Variants in WDPCP observed in about 807,000 individuals in gnomAD.
The protein encoded by WDPCP is WD repeat containing planar cell polarity effector, also known as WD repeat-containing and planar cell polarity effector protein fritz homolog.
WDPCP carries 71 observed loss-of-function variants against 93.1 expected under a neutral mutation model. The observed-to-expected ratio is 0.76, with a 90% CI of 0.63 to 0.93. The LOEUF is 0.93. Ranked by LOEUF, WDPCP falls within the 40% of genes least tolerant of loss-of-function variation. The pLI is 0.00. For synonymous variants in WDPCP, 315 were observed against 315.0 expected (o/e 1.00, Z 0.00); for missense variants, 844 against 887.4 (o/e 0.95, Z 0.62).
At chr2:63,507,258 GA>G (rs368717884) in intron 1 of WDPCP, among the ~76,000 whole-genome samples, 75 of 148,332 alleles carry the variant, frequency 5.1e-4, no homozygotes, top group South Asian at 1.7e-3. Context: ...TGCAGAGAAG[GA>G]AAAAAAAAAT....
intron 2 of WDPCP, among the ~76,000 whole-genome samples, chr2:63,683,895 A>C (rs535495284): frequency 6.6e-6 from 1 of 152,242 alleles, no homozygotes; most frequent in Non-Finnish European, 1.5e-5. Context: ...TATAATGATA[A>C]AGGGGTTAAT....
In WDPCP at chr2:63,688,343, C is replaced by T. The variant is rs563947844; in HGVS notation, n.309-37505G>A. Among the ~76,000 whole-genome samples, 106 of 151,626 alleles carry T rather than the reference C, an allele frequency of 7.0e-4. 1 individual carries two copies. In the South Asian group the frequency reaches 0.021, roughly 30 times the overall value. ...TCAGGAGGCTGAGGCAGGAAAATGGCGTGAACCTGGGAGGCGGAGCTCGCA... is the reference window on the plus strand; with the variant it reads ...TCAGGAGGCTGAGGCAGGAAAATGGTGTGAACCTGGGAGGCGGAGCTCGCA... On this transcript the variant is annotated intron_variant and non_coding_transcript_variant, in intron 2 of 4. Coordinates refer to the WDPCP transcript ENST00000467687.
At chr2:63,549,418 T>C (rs1337386010) in intron 1 of WDPCP, among the ~76,000 whole-genome samples, 39 of 152,156 alleles carry the variant, frequency 2.6e-4, no homozygotes, top group Admixed American at 6.5e-5. Flanking sequence ...AACTGTTTTA[T>C]ACTGTAATGG....
At chr2:63,263,728 C>G (rs1314599821) in intron 13 of WDPCP, among the ~76,000 whole-genome samples, 3 of 152,108 alleles carry the variant, frequency 2.0e-5, no homozygotes, top group Non-Finnish European at 2.9e-5. Context: ...TGTCCTTTAC[C>G]TGAGTAGGCT....
intron 14 of WDPCP, among the ~76,000 whole-genome samples, chr2:63,219,286 G>A (rs184638339): frequency 6.6e-6 from 1 of 152,278 alleles, no homozygotes; most frequent in East Asian, 1.9e-4. Context: ...GTAGGGTGTG[G>A]CTAAAAAAGT....
chr2:63,831,765 CT>C (rs1446118861), upstream of WDPCP, among the ~76,000 whole-genome samples: 1 of 151,726 alleles, frequency 6.6e-6, no homozygotes, highest in African/African-American at 2.4e-5. Context: ...CAAAACCAAT[CT>C]TTTTTCATTT....
chr2:63,540,780 G>T (rs1704653468), intron 1 of WDPCP, among the ~76,000 whole-genome samples: 1 of 152,056 alleles, frequency 6.6e-6, no homozygotes, highest in Non-Finnish European at 1.5e-5. Context: ...GTTTTTGAGA[G>T]TCTCACTCTG....
At position 63,461,519 on chromosome 2, in the gene WDPCP, C is replaced by T. The variant is rs1047492462; in HGVS notation, c.385-21648G>A. ...CTGCATAACCACGAGCCAATTAAAC[C>T]CCTTTTCTTTATAAACTATCCAGTC... On this transcript the variant is annotated intron_variant, in intron 6 of 17. Coordinates refer to ENST00000272321, the MANE Select transcript of WDPCP (RefSeq NM_015910.7). Among the ~76,000 whole-genome samples the T allele has an allele frequency of 3.3e-5, 5 of 152,194 alleles. No individual in the cohort carries two copies. The South Asian group carries it at 1.0e-3, about 32-fold the overall frequency.
At chr2:63,491,383 A>C (rs1239389506) in intron 2 of WDPCP, among the ~76,000 whole-genome samples, 1 of 152,124 alleles carries the variant, frequency 6.6e-6, no homozygotes, top group Non-Finnish European at 1.5e-5. Context: ...ACACACATAG[A>C]GCTTGCCAAC....
At chr2:63,622,083 T>G in intron 3 of WDPCP, 1 of 1,010,308 alleles carries the variant, frequency 9.9e-7, no homozygotes, top group East Asian at 3.1e-5. Flanking sequence ...TTTTTTTTTT[T>G]TGGAAGTTGA....
intron 13 of WDPCP, among the ~76,000 whole-genome samples, chr2:63,266,067 G>T (rs1270997564): frequency 1.3e-5 from 2 of 152,116 alleles, no homozygotes; most frequent in African/African-American, 4.8e-5. Context: ...TTTGTGAAAA[G>T]TTGAAAGTTT....
intron 2 of WDPCP, among the ~76,000 whole-genome samples, chr2:63,793,194 AC>A (rs957264435): frequency 2.0e-5 from 3 of 151,996 alleles, no homozygotes; most frequent in African/African-American, 4.8e-5. Flanking sequence ...CATTTATAGC[AC>A]ACTATTGCCA....
At chr2:63,306,074 C>A (rs1685715970) in intron 13 of WDPCP, among the ~76,000 whole-genome samples, 1 of 152,144 alleles carries the variant, frequency 6.6e-6, no homozygotes, top group Admixed American at 6.5e-5. Context: ...CCAATGATCA[C>A]AGAAATACAA....
intron 2 of WDPCP, among the ~76,000 whole-genome samples, chr2:63,677,154 C>A (rs1282523179): frequency 6.6e-6 from 1 of 152,148 alleles, no homozygotes; most frequent in Admixed American, 6.5e-5. Flanking sequence ...GTATTGAGAA[C>A]CACTGACTTA....
intron 2 of WDPCP, among the ~76,000 whole-genome samples, chr2:63,726,447 T>A (rs886415000): frequency 1.3e-5 from 2 of 152,234 alleles, no homozygotes; most frequent in African/African-American, 4.8e-5. Flanking sequence ...TGGGTTACTG[T>A]AGCCCTGTAC....
At chr2:63,386,469 A>G (rs762135623) in intron 10 of WDPCP, among the ~76,000 whole-genome samples, 1 of 152,086 alleles carries the variant, frequency 6.6e-6, no homozygotes, top group African/African-American at 2.4e-5. Flanking sequence ...CTTGATTCCA[A>G]CAGTCACCAG....
chr2:63,717,558 T>A, intron 2 of WDPCP: 1 of 511,306 alleles, frequency 2.0e-6, no homozygotes, highest in Non-Finnish European at 4.0e-6. Flanking sequence ...CATGCAGTCT[T>A]CTAAGGAAGA....
At chr2:63,398,219 T>C (rs920773356) in intron 10 of WDPCP, among the ~76,000 whole-genome samples, 1 of 152,194 alleles carries the variant, frequency 6.6e-6, no homozygotes, top group African/African-American at 2.4e-5. Context: ...AGGGAGCTGA[T>C]AATGTGAGTT....
intron 2 of WDPCP, among the ~76,000 whole-genome samples, chr2:63,793,684 T>C (rs1009520557): frequency 5.3e-5 from 8 of 152,192 alleles, no homozygotes; most frequent in Admixed American, 2.0e-4. Context: ...TTAATAGCTA[T>C]ACATGCATCC....
Sources: allele counts gnomAD v4.1 joint callset (sites outside exome capture counted in the v4.1 genomes callset), GRCh38; gene constraint gnomAD v4.1.1; transcripts MANE v1.5; gene names NCBI Gene and HGNC (gene_info 2026-07-23, HGNC 2026-07-21).